IRF4: variants seen among roughly 807,000 people sequenced by gnomAD.
The protein encoded by IRF4 is lymphocyte-specific interferon regulatory factor.
IRF4 carries 13 observed loss-of-function variants against 55.5 expected under a neutral mutation model. The ratio of observed to expected loss-of-function variants is 0.23; its 90% confidence interval spans 0.15 to 0.37. IRF4 has a LOEUF of 0.37. Ranked by LOEUF, IRF4 falls within the 10% of genes least tolerant of loss-of-function variation. The pLI is 1.00. For missense variants in IRF4, 397 were observed against 593.8 expected (o/e 0.67, Z 3.44); for synonymous variants, 249 against 240.7 (o/e 1.03, Z -0.32).
rs1310210023 is a variant in IRF4, at chr6:410,600, G to C, written c.*3002G>C. The C allele has an allele frequency of 4.3e-6, 1 of 231,046 alleles. No homozygotes were observed. Among genetic ancestry groups the C allele is most frequent in the Non-Finnish European group, 8.6e-6 (1 of 116,688 alleles). The allele number at this position is 231,046 out of a possible 1,614,324, so 14.3% of individuals were successfully genotyped here. On this transcript the variant is annotated 3_prime_UTR_variant, in exon 9 of 9. Transcript: ENST00000380956. Reference sequence around the variant, plus strand: ...ATAAATACAGCTAGCCCCAGGGGTGGAACAACTCTGGGAGTCTTGGGTACT... The same window carrying C: ...ATAAATACAGCTAGCCCCAGGGGTGCAACAACTCTGGGAGTCTTGGGTACT...
intron 4 of IRF4, 41 bp downstream of exon 4, chr6:395,976 G>A: frequency 6.6e-7 from 1 of 1,506,368 alleles, no homozygotes; most frequent in Non-Finnish European, 9.2e-7. Context: ...GCGAGGCTGT[G>A]TGGGCCAGCT....
At position 396,567 on chromosome 6, in the gene IRF4, GC is replaced by G. The variant is rs1185988520; in HGVS notation, c.493-539del. Among the ~76,000 whole-genome samples, 6 of 148,766 alleles carry G rather than the reference GC, an allele frequency of 4.0e-5. No homozygotes were observed. In the East Asian group the frequency reaches 1.2e-3, roughly 30 times the overall value. ...CTCAATGCCAGTGCTTCTTATCTCA[GC>G]CTCTCCTGCACTCCTTTACCCCCGT... On this transcript the variant is annotated intron_variant, in intron 4 of 8. Transcript: ENST00000380956.
Position 393,812 on chromosome 6 carries a change from C to G in IRF4, c.216+444C>G, listed in dbSNP as rs1367971044. ...TTCGTCTCTCACCGCGTCTCTGTTT[C>G]TCTTTTCGCTGCTTTTCTCTCTGAG... On this transcript the variant is annotated intron_variant, in intron 2 of 8. Coordinates refer to ENST00000380956, the MANE Select transcript of IRF4 (RefSeq NM_002460.4). This position sits in a 1 kb window ranked among gnomAD's most constrained non-coding sequence, Gnocchi z 5.4. Among the ~76,000 whole-genome samples, 1 of 151,128 alleles carries G rather than the reference C, an allele frequency of 6.6e-6. No individual in the cohort carries two copies. Among genetic ancestry groups the G allele is most frequent in the Non-Finnish European group, 1.5e-5 (1 of 68,028 alleles).
rs1761207814 is a variant in IRF4, at chr6:394,684, G to C, written c.217-137G>C. The C allele has an allele frequency of 8.7e-6, 7 of 802,928 alleles. No homozygotes were observed. In the South Asian group the frequency reaches 1.2e-4, roughly 14 times the overall value. 49.7% of individuals were successfully genotyped at this position (802,928 alleles called of 1,614,324 possible). ...GATAGGAGGACCCTAGAACTCAGGA[G>C]TTCGATGCTGCGGTGAGCTATCATC... is the stretch of plus-strand genomic sequence containing the variant. On this transcript the variant is annotated intron_variant, in intron 2 of 8. Coordinates refer to ENST00000380956, the MANE Select transcript of IRF4 (RefSeq NM_002460.4).
In IRF4 at chr6:393,138, G is replaced by A. The variant is rs1445462715; in HGVS notation, c.-15G>A. On this transcript the variant is annotated 5_prime_UTR_variant, in exon 2 of 9. Coordinates refer to ENST00000380956, the MANE Select transcript of IRF4 (RefSeq NM_002460.4). The surrounding 1 kb of genome is among the most constrained non-coding windows in gnomAD (Gnocchi z 5.4). ...GCGGAGGACCCCGGGCGCGGGCGCGGACGGCACGCGGGGCATGAACCTGGA... is the reference window on the plus strand; with the variant it reads ...GCGGAGGACCCCGGGCGCGGGCGCGAACGGCACGCGGGGCATGAACCTGGA... The A allele has an allele frequency of 3.2e-6, 5 of 1,546,432 alleles. No individual in the cohort carries two copies. Among genetic ancestry groups the A allele is most frequent in the Non-Finnish European group, 4.4e-6 (5 of 1,144,814 alleles).
chr6:410,938 A>G lies in IRF4; in HGVS notation c.*3340A>G. The G allele has an allele frequency of 4.3e-6, 1 of 232,742 alleles. No individual in the cohort carries two copies. The highest frequency in any genetic ancestry group is 6.0e-5 in the East Asian group (1 of 16,648). The allele number at this position is 232,742 out of a possible 1,614,324, so 14.4% of individuals were successfully genotyped here. A position where few individuals can be genotyped will look rare whatever the true frequency, so the allele number is the denominator to read the frequency against. ...TGCCCCGTTTTTGAGACTGATCTCG[A>G]TGCAGGTGGATCTCCTTGAGATCCT... is the stretch of plus-strand genomic sequence containing the variant. On this transcript the variant is annotated 3_prime_UTR_variant, in exon 9 of 9. Transcript: ENST00000380956.
Position 410,335 on chromosome 6 carries a change from C to T in IRF4, c.*2737C>T, listed in dbSNP as rs1382993571. 8.8e-6 allele frequency: 2 copies of T among 227,422 alleles called. No homozygotes were observed. Among genetic ancestry groups the T allele is most frequent in the African/African-American group, 4.4e-5 (2 of 45,020 alleles). The allele number at this position is 227,422 out of a possible 1,614,324, so 14.1% of individuals were successfully genotyped here. A position where few individuals can be genotyped will look rare whatever the true frequency, so the allele number is the denominator to read the frequency against. On this transcript the variant is annotated 3_prime_UTR_variant, in exon 9 of 9. Coordinates refer to ENST00000380956, the MANE Select transcript of IRF4 (RefSeq NM_002460.4). ...ATATCTCCTGGAACACTATAGAGAA[C>T]CAAGTGACCGACTCATTTACAACTG... is the stretch of plus-strand genomic sequence containing the variant.
chr6:397,911 C>T (rs775406143), intron 5 of IRF4, among the ~76,000 whole-genome samples: 81 of 152,226 alleles, frequency 5.3e-4, no homozygotes, highest in Non-Finnish European at 9.6e-4. Flanking sequence ...AGTCCTGAGA[C>T]AGGTCAACAC....
At chr6:406,050 A>AC (rs1158583406) in intron 8 of IRF4, among the ~76,000 whole-genome samples, 1 of 152,034 alleles carries the variant, frequency 6.6e-6, no homozygotes, top group Non-Finnish European at 1.5e-5. Flanking sequence ...TGAACATACA[A>AC]CCCCCCTTCT....
Sources: allele counts gnomAD v4.1 joint callset (sites outside exome capture counted in the v4.1 genomes callset), GRCh38; gene constraint gnomAD v4.1.1; non-coding constraint Gnocchi (gnomAD v3.1); transcripts MANE v1.5; gene names NCBI Gene and HGNC (gene_info 2026-07-23, HGNC 2026-07-21).